RIT2: variants seen among roughly 807,000 people sequenced by gnomAD.
RIT2 encodes the protein Ras like without CAAX 2.
In RIT2, 24 loss-of-function variants were observed where a neutral mutation model predicts 23.7. That is an observed-to-expected ratio of 1.01 (90% CI 0.73 to 1.43). The LOEUF (loss-of-function observed/expected upper bound fraction) is 1.43. Ranked by LOEUF, RIT2 falls within the 40% of genes most tolerant of loss-of-function variation. The probability of loss-of-function intolerance (pLI) is 0.00; values close to 1 mark genes in which losing one functional copy is unlikely to be tolerated. For missense variants in RIT2, 236 were observed against 266.9 expected, an observed-to-expected ratio of 0.88 and a Z score of 0.81; for synonymous variants, 107 against 91.1, an observed-to-expected ratio of 1.17 and a Z score of -0.99.
At chr18:42,916,894 A>G (rs573843531) in intron 4 of RIT2, among the ~76,000 whole-genome samples, 2 of 152,264 alleles carry the variant, frequency 1.3e-5, no homozygotes, top group South Asian at 2.1e-4. Flanking sequence ...GGTTGAGCAG[A>G]GGGAGAAGTT....
chr18:43,018,344 G>A (rs1911520585), intron 2 of RIT2, among the ~76,000 whole-genome samples: 1 of 112,110 alleles, frequency 8.9e-6, no homozygotes. Flanking sequence ...TGTATTCAAA[G>A]TTATATCTGT....
At chr18:42,828,867 T>C (rs1026016170) in intron 4 of RIT2, among the ~76,000 whole-genome samples, 1 of 152,206 alleles carries the variant, frequency 6.6e-6, no homozygotes, top group Admixed American at 6.5e-5. Flanking sequence ...TCCCTTCTCC[T>C]TAGGCTCTGA....
chr18:43,037,498 A>AT (rs1469781942), intron 1 of RIT2, among the ~76,000 whole-genome samples: 20 of 152,078 alleles, frequency 1.3e-4, no homozygotes, highest in Non-Finnish European at 2.8e-4. Context: ...ACAGTGCTGG[A>AT]TTTTTTGTAC....
At chr18:42,831,257 T>C (rs912291656) in intron 4 of RIT2, among the ~76,000 whole-genome samples, 3 of 152,192 alleles carry the variant, frequency 2.0e-5, no homozygotes, top group African/African-American at 7.2e-5. Flanking sequence ...GTGCTTAGGA[T>C]TGTCTCAGTG....
intron 4 of RIT2, among the ~76,000 whole-genome samples, chr18:42,791,885 T>C (rs1032063413): frequency 5.9e-5 from 9 of 152,230 alleles, no homozygotes; most frequent in African/African-American, 1.9e-4. Flanking sequence ...TACTGCCTTC[T>C]ACTGGTCTCA....
chr18:42,780,028 GTCAAGTC>G (rs1913769605), intron 4 of RIT2, among the ~76,000 whole-genome samples: 1 of 124,912 alleles, frequency 8.0e-6, no homozygotes, highest in African/African-American at 2.9e-5. Context: ...CAAATGCCTA[GTCAAGTC>G]TCAATTTAGA....
At chr18:42,783,586 C>G (rs1328369883) in intron 4 of RIT2, among the ~76,000 whole-genome samples, 1 of 151,882 alleles carries the variant, frequency 6.6e-6, no homozygotes, top group African/African-American at 2.4e-5. Flanking sequence ...AGAGGCTGGA[C>G]AGAGGACACA....
At chr18:42,923,793 T>C (rs767670364) in intron 3 of RIT2, 30 bp from the exon 4 acceptor site, 8 of 1,499,236 alleles carry the variant, frequency 5.3e-6, no homozygotes, top group South Asian at 1.2e-5. Flanking sequence ...AAATTAGTTA[T>C]GGGCTTTCAA....
chr18:42,996,410 T>G (rs1910984825), intron 2 of RIT2, among the ~76,000 whole-genome samples: 1 of 152,166 alleles, frequency 6.6e-6, no homozygotes, highest in African/African-American at 2.4e-5. Flanking sequence ...GTCAGGTTTC[T>G]GAGTCCAAGC....
At chr18:43,038,633 A>G (rs1017484369) in intron 1 of RIT2, among the ~76,000 whole-genome samples, 2 of 151,064 alleles carry the variant, frequency 1.3e-5, no homozygotes, top group Admixed American at 1.3e-4. Flanking sequence ...GAGTTTTTCA[A>G]TTTCTGATTC....
chr18:42,856,518 C>T (rs573431995), intron 4 of RIT2, among the ~76,000 whole-genome samples: 14 of 152,152 alleles, frequency 9.2e-5, no homozygotes, highest in Non-Finnish European at 1.6e-4. Flanking sequence ...GCCTTTTCTC[C>T]AACTAATCTG....
intron 4 of RIT2, among the ~76,000 whole-genome samples, chr18:42,811,283 T>C (rs922243026): frequency 1.3e-5 from 2 of 152,098 alleles, no homozygotes; most frequent in African/African-American, 4.8e-5. Flanking sequence ...TGCAGCACCA[T>C]CTATAGCCAA....
intron 4 of RIT2, among the ~76,000 whole-genome samples, chr18:42,745,533 C>A (rs1026109700): frequency 2.0e-5 from 3 of 152,086 alleles, no homozygotes; most frequent in African/African-American, 7.2e-5. Context: ...CACATTTTAA[C>A]CCTATGAGAT....
chr18:42,763,299 A>G (rs1913345285), intron 4 of RIT2, among the ~76,000 whole-genome samples: 1 of 152,168 alleles, frequency 6.6e-6, no homozygotes, highest in African/African-American at 2.4e-5. Flanking sequence ...CGTCTCTATT[A>G]AAAATACAAA....
At chr18:42,754,359 A>T (rs1190629960) in intron 4 of RIT2, among the ~76,000 whole-genome samples, 1 of 152,150 alleles carries the variant, frequency 6.6e-6, no homozygotes. Context: ...AGTAGGAGTC[A>T]ACAGAGGCAG....
chr18:42,979,120 G>A (rs989644278), intron 2 of RIT2, among the ~76,000 whole-genome samples: 2 of 152,030 alleles, frequency 1.3e-5, no homozygotes, highest in African/African-American at 2.4e-5. Flanking sequence ...GGCAAGATAT[G>A]TTTGCAATAA....
intron 1 of RIT2, among the ~76,000 whole-genome samples, chr18:43,073,066 G>A (rs977411553): frequency 9.2e-5 from 14 of 152,110 alleles, no homozygotes; most frequent in African/African-American, 3.4e-4. Context: ...TTTCTAACTA[G>A]AAATGTAACA....
At chr18:42,866,691 C>T (rs978345776) in intron 4 of RIT2, among the ~76,000 whole-genome samples, 3 of 150,136 alleles carry the variant, frequency 2.0e-5, no homozygotes, top group Admixed American at 6.6e-5. Flanking sequence ...TCTTTTCTTT[C>T]AGACATTATA....
intron 4 of RIT2, among the ~76,000 whole-genome samples, chr18:42,906,215 T>C (rs184479486): frequency 6.6e-6 from 1 of 152,018 alleles, no homozygotes; most frequent in African/African-American, 2.4e-5. Context: ...CATATGCAAT[T>C]ATATGCTCTG....
Sources: gnomAD v4.1 joint callset for allele counts (sites outside exome capture counted in the v4.1 genomes callset) on GRCh38, gnomAD v4.1.1 for gene constraint, MANE v1.5 for transcripts, NCBI Gene and HGNC (gene_info 2026-07-23, HGNC 2026-07-21) for gene names.